The following PKNOX1 variants were observed in gnomAD, a reference collection of about 807,000 sequenced individuals.
PKNOX1 encodes homeobox protein PKNOX1.
In PKNOX1, 15 loss-of-function variants were observed where a neutral mutation model predicts 51.9. The ratio of observed to expected loss-of-function variants is 0.29; its 90% CI spans 0.19 to 0.45. The LOEUF (loss-of-function observed/expected upper bound fraction) is 0.45, where lower values mean the gene tolerates loss of function less well. PKNOX1 is among the 20% of genes least tolerant of loss of function. PKNOX1 has a pLI of 1.00. For synonymous variants in PKNOX1, 219 were observed against 211.1 expected, an observed-to-expected ratio of 1.04 and a Z score of -0.32; for missense variants, 462 against 547.5, an observed-to-expected ratio of 0.84 and a Z score of 1.56.
intron 8 of PKNOX1, among the ~76,000 whole-genome samples, chr21:43,022,653 C>G (rs1341913517): frequency 2.0e-5 from 3 of 152,140 alleles, no homozygotes; most frequent in Non-Finnish European, 4.4e-5. Context: ...AGCAGCGGGG[C>G]TGCTCCGAGA....
Position 43,018,235 on chromosome 21 carries a change from G to T in PKNOX1, c.720+5G>T, listed in dbSNP as rs1979588287. On this transcript the variant is annotated splice_donor_5th_base_variant and intron_variant, in intron 7 of 10. Transcript: ENST00000291547. Reference sequence around the variant, plus strand: ...ATTAGGATCCAGAACTCCCAGGTGCGTGCGCCATTTTATGGAAGGCTTTGG... The same window carrying T: ...ATTAGGATCCAGAACTCCCAGGTGCTTGCGCCATTTTATGGAAGGCTTTGG... 2 of 1,604,146 alleles carry T rather than the reference G, an allele frequency of 1.2e-6. No homozygotes were observed. The highest frequency in any genetic ancestry group is 1.7e-6 in the Non-Finnish European group (2 of 1,171,194).
rs1980200252 is a variant in PKNOX1, at chr21:43,030,262, T to A, written c.*161T>A. On this transcript the variant is annotated 3_prime_UTR_variant, in exon 11 of 11. Coordinates refer to ENST00000291547, the MANE Select transcript of PKNOX1 (RefSeq NM_004571.5). ...TGCCGGTGCAGCGACTTCTTTCAAGTGTGTGTGTGTGTGTGTGTGTGTGTG... is the reference window on the plus strand; with the variant it reads ...TGCCGGTGCAGCGACTTCTTTCAAGAGTGTGTGTGTGTGTGTGTGTGTGTG... 1 of 2,476 alleles carries A rather than the reference T, an allele frequency of 4.0e-4. No homozygotes were observed. Among genetic ancestry groups the A allele is most frequent in the Non-Finnish European group, 1.2e-3 (1 of 860 alleles). 0.2% of individuals were successfully genotyped at this position (2,476 alleles called of 1,614,324 possible). A position where few individuals can be genotyped will look rare whatever the true frequency, so the allele number is the denominator to read the frequency against.
intron 8 of PKNOX1, 157 bp from the exon 9 acceptor site, chr21:43,024,714 C>CA: frequency 1.7e-6 from 1 of 605,156 alleles, no homozygotes; most frequent in Non-Finnish European, 3.0e-6. Context: ...CGAGGAGAAA[C>CA]ACTTTGTTCG....
intron 1 of PKNOX1, among the ~76,000 whole-genome samples, chr21:42,986,506 C>CA (rs35455226): frequency 0.039 from 5,787 of 150,038 alleles, 139 homozygotes; most frequent in Middle Eastern, 0.061. Flanking sequence ...GTCTCAAAAA[C>CA]AAAAAAAAAG....
chr21:42,987,397 A>T lies in PKNOX1; in HGVS notation c.-57+12733A>T, dbSNP rs1260645814. Among the ~76,000 whole-genome samples the T allele has an allele frequency of 2.4e-4, 30 of 125,094 alleles. 2 individuals carry two copies. Among genetic ancestry groups the T allele is most frequent in the African/African-American group, 9.4e-4 (30 of 31,902 alleles). The allele number at this position is 125,094 out of a possible 152,430, so 82.1% of individuals were successfully genotyped here. On this transcript the variant is annotated intron_variant, in intron 1 of 10. Transcript: ENST00000291547. ...AACTCCCTCTCAAAAAAAAAAAAAA[A>T]AAAAAAAATATATATATATATATAT...
intron 3 of PKNOX1, among the ~76,000 whole-genome samples, chr21:43,008,424 A>G (rs9978199): frequency 0.41 from 61,888 of 152,100 alleles, 12,666 homozygotes; most frequent in East Asian, 0.55. Flanking sequence ...AGCAATATGT[A>G]AAAAGAATAA....
At position 42,991,249 on chromosome 21, in the gene PKNOX1, G is replaced by A. The variant is rs532648317; in HGVS notation, c.-56-13077G>A. Among the ~76,000 whole-genome samples, 5 of 151,880 alleles carry A rather than the reference G, an allele frequency of 3.3e-5. No homozygotes were observed. In the South Asian group the frequency reaches 1.0e-3, roughly 32 times the overall value. ...CAGCTGTAACCCCAGCATTTCGTGA[G>A]GCCAAGGTGGGAGGATCGCTTGAAG... On this transcript the variant is annotated intron_variant, in intron 1 of 10. Coordinates refer to ENST00000291547, the MANE Select transcript of PKNOX1 (RefSeq NM_004571.5).
chr21:42,985,206 C>T (rs1346978511), intron 1 of PKNOX1, among the ~76,000 whole-genome samples: 14 of 151,966 alleles, frequency 9.2e-5, no homozygotes, highest in Non-Finnish European at 7.4e-5. Context: ...AGGCTGATCT[C>T]GAACTCCTCA....
In PKNOX1 at chr21:42,975,145, G is replaced by GC. The variant is rs1015526006; in HGVS notation, c.-57+483dup. On this transcript the variant is annotated intron_variant, in intron 1 of 10. Coordinates refer to ENST00000291547, the MANE Select transcript of PKNOX1 (RefSeq NM_004571.5). Reference sequence around the variant, plus strand: ...GGCCGGGGCGGGCGGCGCGCGTGGGGCCGGTCGGGTCCGCGGCCTCGCGGA... The same window carrying GC: ...GGCCGGGGCGGGCGGCGCGCGTGGGGCCCGGTCGGGTCCGCGGCCTCGCGGA... Among the ~76,000 whole-genome samples, 29 of 145,614 alleles carry GC rather than the reference G, an allele frequency of 2.0e-4. 1 individual carries two copies. Among genetic ancestry groups the GC allele is most frequent in the African/African-American group, 6.1e-4 (25 of 40,704 alleles).
At chr21:42,990,154 C>T (rs1398468971) in intron 1 of PKNOX1, among the ~76,000 whole-genome samples, 2 of 151,840 alleles carry the variant, frequency 1.3e-5, no homozygotes, top group East Asian at 1.9e-4. Flanking sequence ...CCCAGCTACT[C>T]GGGTGGCTGA....
intron 1 of PKNOX1, among the ~76,000 whole-genome samples, chr21:43,002,404 GC>G (rs529068532): frequency 1.5e-4 from 8 of 54,612 alleles, no homozygotes; most frequent in East Asian, 1.1e-3. Context: ...CATTGACTGT[GC>G]CCCCTCCCTT....
At chr21:42,975,230 A>G (rs1407088845) in intron 1 of PKNOX1, among the ~76,000 whole-genome samples, 3 of 145,746 alleles carry the variant, frequency 2.1e-5, no homozygotes, top group Admixed American at 2.0e-4. Context: ...GCAGGCGGGA[A>G]GATGGCGGCC....
At chr21:43,002,126 A>G (rs234765) in intron 1 of PKNOX1, among the ~76,000 whole-genome samples, 136,700 of 152,114 alleles carry the variant, frequency 0.9, 61,553 homozygotes, top group African/African-American at 0.91. Context: ...CAGAGTGCTG[A>G]GATTACAGGC....
At chr21:43,003,810 C>A (rs1978868345) in intron 1 of PKNOX1, 1 of 152,506 alleles carries the variant, frequency 6.6e-6, no homozygotes, top group African/African-American at 2.4e-5. Flanking sequence ...AATGTAATAG[C>A]AAGTCAGGGC....
intron 1 of PKNOX1, among the ~76,000 whole-genome samples, chr21:42,985,656 G>A (rs570622039): frequency 1.2e-3 from 181 of 151,804 alleles, no homozygotes; most frequent in African/African-American, 3.5e-3. Flanking sequence ...ACTTTGATGC[G>A]AATTTAAATT....
intron 2 of PKNOX1, among the ~76,000 whole-genome samples, chr21:43,006,103 A>T (rs1440788115): frequency 2.0e-5 from 3 of 150,786 alleles, no homozygotes; most frequent in Admixed American, 2.0e-4. Context: ...AAGGCTTCTT[A>T]TTTTTTATTA....
Position 43,010,117 on chromosome 21 carries a change from G to C in PKNOX1, c.244G>C (p.Glu82Gln), listed in dbSNP as rs1322007989. 2.5e-6 allele frequency: 4 copies of C among 1,607,924 alleles called. No homozygotes were observed. The highest frequency in any genetic ancestry group is 3.4e-6 in the Non-Finnish European group (4 of 1,176,726). The change falls in exon 4 of 11, where the codon GAA (glutamate) becomes CAA (glutamine). Residue 82 changes from glutamate to glutamine, a missense_variant. Physicochemically the swap from Glu to Gln is conservative, Grantham distance 29. Transcript: ENST00000291547. The part of the protein sequence containing the change: ...EKCEQSTQGS[E>Q]GTTSASFDVD... ...ATGTGAACAATCTACACAGGGCTCT[G>C]AAGGCACAACTTCTGCCAGTTTTGA...
intron 9 of PKNOX1, among the ~76,000 whole-genome samples, chr21:43,026,201 G>GCA: frequency 6.6e-6 from 1 of 152,224 alleles, no homozygotes; most frequent in African/African-American, 2.4e-5. Context: ...ATTTCCTGGT[G>GCA]TTCCCTGACT....
At chr21:43,001,960 CAAAT>C (rs34834721) in intron 1 of PKNOX1, among the ~76,000 whole-genome samples, 35 of 146,300 alleles carry the variant, frequency 2.4e-4, no homozygotes, top group South Asian at 1.1e-3. Context: ...GACTCCGTCT[CAAAT>C]AAATAAATAA....
Sources: gnomAD v4.1 joint callset for allele counts (sites outside exome capture counted in the v4.1 genomes callset) on GRCh38, gnomAD v4.1.1 for gene constraint, MANE v1.5 for transcripts, NCBI Gene and HGNC (gene_info 2026-07-23, HGNC 2026-07-21) for gene names.